Variants in ADAMTSL3 observed in about 807,000 individuals in gnomAD.
ADAMTSL3 encodes ADAMTS-like protein 3.
In ADAMTSL3, 128 loss-of-function variants were observed where a neutral mutation model predicts 201.7. The ratio of observed to expected loss-of-function variants is 0.63; its 90% CI spans 0.55 to 0.73. The LOEUF (loss-of-function observed/expected upper bound fraction) is 0.73, where lower values mean the gene tolerates loss of function less well. Among genes scored for constraint, ADAMTSL3 ranks in the 30% least tolerant of loss-of-function variants. The pLI, the probability that ADAMTSL3 is intolerant of heterozygous loss-of-function variation, is 0.00. For missense variants in ADAMTSL3, 1,990 were observed against 2,119.6 expected (o/e 0.94, Z 1.20); for synonymous variants, 738 against 748.4 (o/e 0.99, Z 0.23).
At chr15:83,956,503 C>T (rs555079049) in intron 19 of ADAMTSL3, among the ~76,000 whole-genome samples, 38 of 152,226 alleles carry the variant, frequency 2.5e-4, no homozygotes, top group Non-Finnish European at 4.4e-4. Context: ...TCTATTCTGC[C>T]ATCTTGCTCT....
chr15:83,922,612 C>T (rs2066168000), intron 16 of ADAMTSL3, among the ~76,000 whole-genome samples: 1 of 152,108 alleles, frequency 6.6e-6, no homozygotes, highest in Admixed American at 6.5e-5. Flanking sequence ...CTCACGTTAG[C>T]CAATGTTTAT....
At chr15:84,032,068 T>C (rs896161224) in intron 28 of ADAMTSL3, among the ~76,000 whole-genome samples, 8 of 152,154 alleles carry the variant, frequency 5.3e-5, no homozygotes, top group African/African-American at 1.9e-4. Context: ...GGAGAGAGCC[T>C]AGAAGGCACA....
At chr15:83,776,087 G>A (rs915961821) in intron 4 of ADAMTSL3, among the ~76,000 whole-genome samples, 4 of 152,134 alleles carry the variant, frequency 2.6e-5, no homozygotes, top group African/African-American at 9.7e-5. Context: ...AAATTTCTCA[G>A]GTGTGAATTA....
At chr15:83,837,076 A>G (rs932091524) in intron 6 of ADAMTSL3, among the ~76,000 whole-genome samples, 5 of 152,206 alleles carry the variant, frequency 3.3e-5, no homozygotes, top group Non-Finnish European at 7.3e-5. Context: ...ATACACACAC[A>G]TATGTACACA....
chr15:83,854,949 G>A (rs2064700384), intron 7 of ADAMTSL3, among the ~76,000 whole-genome samples: 1 of 152,124 alleles, frequency 6.6e-6, no homozygotes. Context: ...GGTGTTCCAA[G>A]CCCACCTTGA....
At chr15:83,866,575 C>T (rs980928285) in intron 8 of ADAMTSL3, among the ~76,000 whole-genome samples, 1 of 151,226 alleles carries the variant, frequency 6.6e-6, no homozygotes, top group Non-Finnish European at 1.5e-5. Context: ...CACATGGACA[C>T]AGGAAGGGGA....
chr15:83,922,255 A>G (rs2066161265), intron 16 of ADAMTSL3, among the ~76,000 whole-genome samples: 1 of 152,202 alleles, frequency 6.6e-6, no homozygotes, highest in African/African-American at 2.4e-5. Context: ...CTCTACCTCA[A>G]TAAGTATCCT....
At chr15:83,886,539 T>C (rs2065394702) in intron 10 of ADAMTSL3, among the ~76,000 whole-genome samples, 2 of 152,208 alleles carry the variant, frequency 1.3e-5, no homozygotes, top group Admixed American at 6.5e-5. Flanking sequence ...AGAGTCATGC[T>C]CTAAATGACT....
chr15:83,700,027 T>TA (rs1207643251), intron 2 of ADAMTSL3, among the ~76,000 whole-genome samples: 1 of 152,216 alleles, frequency 6.6e-6, no homozygotes, highest in African/African-American at 2.4e-5. Flanking sequence ...TCCATGAAAA[T>TA]AGGAACCTGA....
At chr15:83,943,325 C>G (rs2066598729) in intron 19 of ADAMTSL3, among the ~76,000 whole-genome samples, 1 of 152,180 alleles carries the variant, frequency 6.6e-6, no homozygotes, top group African/African-American at 2.4e-5. Flanking sequence ...TCATCATTCT[C>G]CCAAACCAGC....
chr15:83,670,076 G>C (rs1296688897), intron 2 of ADAMTSL3, among the ~76,000 whole-genome samples: 1 of 151,604 alleles, frequency 6.6e-6, no homozygotes, highest in Non-Finnish European at 1.5e-5. Context: ...TGGCCAACAT[G>C]GTGAAATCTC....
chr15:83,675,659 C>G (rs1444068487), intron 2 of ADAMTSL3, among the ~76,000 whole-genome samples: 2 of 143,986 alleles, frequency 1.4e-5, no homozygotes, highest in South Asian at 2.2e-4. Context: ...AGAGTGTTCT[C>G]TCTTCTGTTT....
intron 3 of ADAMTSL3, among the ~76,000 whole-genome samples, chr15:83,728,871 T>C (rs1207775827): frequency 6.6e-6 from 1 of 152,106 alleles, no homozygotes; most frequent in Non-Finnish European, 1.5e-5. Flanking sequence ...TGATTTCTTA[T>C]TTCTCATTAA....
At chr15:83,777,595 G>A (rs2063099850) in intron 4 of ADAMTSL3, among the ~76,000 whole-genome samples, 1 of 151,996 alleles carries the variant, frequency 6.6e-6, no homozygotes, top group South Asian at 2.1e-4. Context: ...TAAAAAAATA[G>A]GATAAAAGAA....
At chr15:83,953,455 T>C (rs192812469) in intron 19 of ADAMTSL3, among the ~76,000 whole-genome samples, 89 of 152,336 alleles carry the variant, frequency 5.8e-4, no homozygotes, top group African/African-American at 1.9e-3. Context: ...CTCTCACTTA[T>C]TAACTTTTTG....
At chr15:84,017,307 C>T (rs1237668433) in intron 25 of ADAMTSL3, among the ~76,000 whole-genome samples, 6 of 151,974 alleles carry the variant, frequency 3.9e-5, no homozygotes, top group African/African-American at 4.8e-5. Flanking sequence ...TTAGTGGAGA[C>T]GAGGTTTCAC....
chr15:83,837,309 A>G (rs1234401654), intron 6 of ADAMTSL3, among the ~76,000 whole-genome samples: 1 of 152,042 alleles, frequency 6.6e-6, no homozygotes, highest in Non-Finnish European at 1.5e-5. Flanking sequence ...GGATATAGAT[A>G]TTTAGAGATA....
intron 3 of ADAMTSL3, among the ~76,000 whole-genome samples, chr15:83,757,533 G>T (rs572533764): frequency 1.3e-5 from 2 of 152,334 alleles, no homozygotes; most frequent in South Asian, 4.1e-4. Context: ...TTCCTCCTAC[G>T]CCTCTGGGCC....
chr15:83,685,083 C>T (rs1307878373), intron 2 of ADAMTSL3, among the ~76,000 whole-genome samples: 2 of 152,094 alleles, frequency 1.3e-5, no homozygotes, highest in African/African-American at 4.8e-5. Context: ...TTATATTGCC[C>T]TGATTACTAG....
Sources: allele counts gnomAD v4.1 joint callset (sites outside exome capture counted in the v4.1 genomes callset), GRCh38; gene constraint gnomAD v4.1.1; transcripts MANE v1.5; gene names NCBI Gene and HGNC (gene_info 2026-07-23, HGNC 2026-07-21).